The following JAK1 variants were observed in gnomAD, a reference collection of about 807,000 sequenced individuals.
JAK1 encodes Janus kinase 1, also known as tyrosine-protein kinase JAK1.
Under a neutral mutation model 136.6 loss-of-function variants are expected in JAK1, and 16 were observed. That is an observed-to-expected ratio of 0.12 (90% confidence interval 0.08 to 0.18). The LOEUF (loss-of-function observed/expected upper bound fraction) is 0.18. JAK1 is among the 10% of genes least tolerant of loss of function. The probability of loss-of-function intolerance (pLI) is 1.00; values close to 1 mark genes in which losing one functional copy is unlikely to be tolerated. For synonymous variants in JAK1, 492 were observed against 519.5 expected (o/e 0.95, Z 0.72); for missense variants, 859 against 1,450.1 (o/e 0.59, Z 6.62).
intron 13 of JAK1, 89 bp from the exon 14 acceptor site, chr1:64,846,825 C>T: frequency 4.0e-6 from 4 of 993,878 alleles, no homozygotes; most frequent in Non-Finnish European, 6.2e-6. Context: ...GCCAGTGGAC[C>T]CAGGAAAGCT....
At chr1:65,042,014 G>A (rs1246319726) in intron 2 of JAK1, among the ~76,000 whole-genome samples, 1 of 152,062 alleles carries the variant, frequency 6.6e-6, no homozygotes, top group Non-Finnish European at 1.5e-5. Context: ...CTGCACTCCA[G>A]CCTGGGCAAG....
intron 1 of JAK1, among the ~76,000 whole-genome samples, chr1:65,051,182 A>T (rs1647273432): frequency 1.1e-5 from 1 of 87,278 alleles, no homozygotes; most frequent in African/African-American, 3.7e-5. Context: ...TAGGTATGTC[A>T]GGTTTTTTTT....
At chr1:64,980,570 C>G (rs1246290350) in intron 2 of JAK1, among the ~76,000 whole-genome samples, 2 of 150,608 alleles carry the variant, frequency 1.3e-5, no homozygotes, top group Non-Finnish European at 3.0e-5. Context: ...TTTTTTTAAA[C>G]TCTTTTTTTA....
chr1:65,055,077 A>T (rs368419527), intron 1 of JAK1, among the ~76,000 whole-genome samples: 1 of 152,156 alleles, frequency 6.6e-6, no homozygotes, highest in Non-Finnish European at 1.5e-5. Context: ...AAGCACATTC[A>T]TGTTGTTGTG....
intron 22 of JAK1, among the ~76,000 whole-genome samples, chr1:64,837,676 G>C (rs893063985): frequency 3.9e-5 from 6 of 152,222 alleles, no homozygotes; most frequent in African/African-American, 1.4e-4. Flanking sequence ...TGTTGAGCTG[G>C]TGGTTAGATT....
intron 17 of JAK1, 110 bp downstream of exon 17, chr1:64,843,954 A>T: frequency 7.9e-7 from 1 of 1,271,600 alleles, no homozygotes; most frequent in Non-Finnish European, 1.1e-6. Flanking sequence ...GAAGAGATTC[A>T]AACCCATGCC....
intron 2 of JAK1, among the ~76,000 whole-genome samples, chr1:64,975,836 C>T (rs1266884619): frequency 6.6e-6 from 1 of 152,212 alleles, no homozygotes; most frequent in Non-Finnish European, 1.5e-5. Flanking sequence ...GCGCCATCCA[C>T]TTCCTCGGGC....
chr1:64,881,765 T>C (rs1287455284), intron 3 of JAK1, among the ~76,000 whole-genome samples: 3 of 152,118 alleles, frequency 2.0e-5, no homozygotes, highest in Non-Finnish European at 1.5e-5. Flanking sequence ...TCTCCTCTCA[T>C]CTCTTTCCCA....
chr1:65,059,313 G>A (rs1040458425), intron 1 of JAK1, among the ~76,000 whole-genome samples: 3 of 152,100 alleles, frequency 2.0e-5, no homozygotes, highest in African/African-American at 7.2e-5. Context: ...ACAAACAAAA[G>A]GATTTCTAAA....
chr1:64,980,309 CCAT>C (rs1460555395), intron 2 of JAK1, among the ~76,000 whole-genome samples: 1 of 152,132 alleles, frequency 6.6e-6, no homozygotes, highest in African/African-American at 2.4e-5. Context: ...CTGTTTTGCA[CCAT>C]GTTACAATGA....
intron 2 of JAK1, among the ~76,000 whole-genome samples, chr1:65,000,332 G>A (rs1395451511): frequency 6.6e-6 from 1 of 151,904 alleles, no homozygotes; most frequent in Non-Finnish European, 1.5e-5. Flanking sequence ...GCAAATAATT[G>A]AGAATGTGTT....
At chr1:65,007,975 C>G (rs747909285) in intron 2 of JAK1, among the ~76,000 whole-genome samples, 2 of 152,178 alleles carry the variant, frequency 1.3e-5, no homozygotes, top group Admixed American at 6.5e-5. Flanking sequence ...GAACTCCTGA[C>G]CTCAGGTGAT....
At chr1:64,902,583 A>AGAGAGAGAGAGAGAGAGAGTGT in intron 1 of JAK1, among the ~76,000 whole-genome samples, 797 of 73,744 alleles carry the variant, frequency 0.011, 23 homozygotes, top group African/African-American at 0.028. Flanking sequence ...AGAGAGAGAG[A>AGAGAGAGAGAGAGAGAGAGTGT]GTGTGTGTGT....
At chr1:65,014,534 A>T (rs1646876584) in intron 2 of JAK1, among the ~76,000 whole-genome samples, 1 of 152,186 alleles carries the variant, frequency 6.6e-6, no homozygotes, top group Non-Finnish European at 1.5e-5. Context: ...AAAGGAAAAA[A>T]TTTGAGGTCA....
intron 1 of JAK1, chr1:65,066,591 A>AC (rs1294710182): frequency 6.7e-6 from 1 of 150,274 alleles, no homozygotes; most frequent in East Asian, 2.0e-4. Context: ...CCACTGACGG[A>AC]CCCCTCTTCC....
chr1:65,003,302 G>A (rs1379864941), intron 2 of JAK1, among the ~76,000 whole-genome samples: 2 of 152,040 alleles, frequency 1.3e-5, no homozygotes, highest in Non-Finnish European at 2.9e-5. Flanking sequence ...AATCTCACGA[G>A]CTCGCTGGCC....
chr1:64,955,996 A>C (rs898245136), intron 1 of JAK1, among the ~76,000 whole-genome samples: 1 of 152,136 alleles, frequency 6.6e-6, no homozygotes, highest in Admixed American at 6.6e-5. Flanking sequence ...AAATGGTTGG[A>C]AAAAAAAGAA....
chr1:65,039,832 A>G (rs1647113716), intron 2 of JAK1, among the ~76,000 whole-genome samples: 1 of 152,156 alleles, frequency 6.6e-6, no homozygotes, highest in South Asian at 2.1e-4. Context: ...CCCTAGGCTT[A>G]GCCTCTGTAT....
intron 2 of JAK1, among the ~76,000 whole-genome samples, chr1:64,986,408 CT>C (rs1303399735): frequency 2.6e-5 from 4 of 152,010 alleles, no homozygotes; most frequent in African/African-American, 9.7e-5. Flanking sequence ...TACCTGGCCC[CT>C]AATCTAATTC....
Sources: gnomAD v4.1 joint callset for allele counts (sites outside exome capture counted in the v4.1 genomes callset) on GRCh38, gnomAD v4.1.1 for gene constraint, MANE v1.5 for transcripts, NCBI Gene and HGNC (gene_info 2026-07-23, HGNC 2026-07-21) for gene names.